The following PCNX1 variants were observed in gnomAD, a reference collection of about 807,000 sequenced individuals.
The protein encoded by PCNX1 is pecanex 1.
A neutral mutation model predicts 242.2 loss-of-function variants in PCNX1; 78 were observed. That is an observed-to-expected ratio of 0.32 (90% CI 0.27 to 0.39). The LOEUF is 0.39. PCNX1 is among the 10% of genes least tolerant of loss of function. PCNX1 has a pLI of 1.00. For missense variants in PCNX1, 2,581 were observed against 2,856.5 expected, an observed-to-expected ratio of 0.90 and a Z score of 2.20; for synonymous variants, 1,024 against 1,032.9, an observed-to-expected ratio of 0.99 and a Z score of 0.17.
chr14:71,057,022 C>G (rs1229248339), intron 25 of PCNX1, among the ~76,000 whole-genome samples: 3 of 152,142 alleles, frequency 2.0e-5, no homozygotes, highest in Non-Finnish European at 4.4e-5. Context: ...TACAGTTTAT[C>G]TCTGCTTAAC....
At chr14:71,012,963 T>C in intron 10 of PCNX1, 22 bp from the exon 11 acceptor site, 1 of 1,508,032 alleles carries the variant, frequency 6.6e-7, no homozygotes, top group South Asian at 1.1e-5. Context: ...TTTTAAGCCT[T>C]TCAATGCTGA....
rs764722320 is a variant in PCNX1 at position 70,977,229 on chromosome 14, C to T, written c.892C>T (p.Leu298=). The T allele has an allele frequency of 1.9e-6, 3 of 1,614,232 alleles. No individual in the cohort carries two copies. The highest frequency in any genetic ancestry group is 2.5e-6 in the Non-Finnish European group (3 of 1,180,036). ...SSAVAFPDTS[L]NDFPLYQQRR... ...TGCTGTGGCTTTTCCAGACACTTCA[C>T]TGAATGATTTTCCCCTTTATCAGCA... Residue 298 remains leucine (L), a synonymous_variant, in exon 6 of 36, where the codon CTG becomes TTG. Transcript: ENST00000304743.
chr14:70,962,511 T>G (rs1266014061), intron 3 of PCNX1, among the ~76,000 whole-genome samples, 180 bp downstream of exon 3: 1 of 152,240 alleles, frequency 6.6e-6, no homozygotes, highest in Non-Finnish European at 1.5e-5. Context: ...ATTGATTAAT[T>G]ACAGATTTGT....
At chr14:71,048,184 A>G (rs766395729) in intron 22 of PCNX1, among the ~76,000 whole-genome samples, 200 bp downstream of exon 22, 13 of 152,178 alleles carry the variant, frequency 8.5e-5, no homozygotes, top group Non-Finnish European at 1.5e-4. Context: ...TTCTTGCTAT[A>G]GCTAAGAAGA....
chr14:70,922,883 C>T (rs1177985727), intron 1 of PCNX1, among the ~76,000 whole-genome samples: 1 of 151,608 alleles, frequency 6.6e-6, no homozygotes, highest in Non-Finnish European at 1.5e-5. Flanking sequence ...ACGGTATGCA[C>T]ATTTAAAATC....
chr14:70,943,862 G>A (rs1405093737), intron 1 of PCNX1, among the ~76,000 whole-genome samples: 2 of 152,222 alleles, frequency 1.3e-5, no homozygotes, highest in Non-Finnish European at 2.9e-5. Flanking sequence ...AGGGGCCAAT[G>A]TGCAGCTCAG....
At chr14:70,976,594 T>C (rs59949441) in intron 5 of PCNX1, among the ~76,000 whole-genome samples, 4,296 of 152,120 alleles carry the variant, frequency 0.028, 175 homozygotes, top group African/African-American at 0.097. Flanking sequence ...AGGATGGTCT[T>C]GATCTCCTGA....
intron 1 of PCNX1, among the ~76,000 whole-genome samples, chr14:70,930,648 C>G (rs191485203): frequency 6.6e-6 from 1 of 152,258 alleles, no homozygotes; most frequent in Admixed American, 6.5e-5. Context: ...CAGGTAGGCT[C>G]AAGTTCCAAT....
At chr14:70,925,051 C>A (rs544678549) in intron 1 of PCNX1, among the ~76,000 whole-genome samples, 2 of 151,548 alleles carry the variant, frequency 1.3e-5, no homozygotes, top group East Asian at 3.9e-4. Context: ...TGCAGTGGTG[C>A]GATCTCAGCT....
At chr14:70,939,573 A>G (rs980317820) in intron 1 of PCNX1, among the ~76,000 whole-genome samples, 1 of 152,196 alleles carries the variant, frequency 6.6e-6, no homozygotes, top group African/African-American at 2.4e-5. Context: ...GTTTTGGAAT[A>G]AGTGCAGTGT....
intron 30 of PCNX1, among the ~76,000 whole-genome samples, chr14:71,098,608 G>T (rs2062374123): frequency 6.6e-6 from 1 of 150,556 alleles, no homozygotes; most frequent in Admixed American, 6.7e-5. Context: ...TTGGTTTTCG[G>T]CTTGAATATT....
At position 70,969,116 on chromosome 14, in the gene PCNX1, A is replaced by G; in HGVS notation, c.604+6A>G. The G allele has an allele frequency of 6.5e-7, 1 of 1,542,706 alleles. No homozygotes were observed. The highest frequency in any genetic ancestry group is 9.0e-7 in the Non-Finnish European group (1 of 1,114,906). On this transcript the variant is annotated splice_donor_region_variant and intron_variant, in intron 5 of 35. Coordinates refer to ENST00000304743, the MANE Select transcript of PCNX1 (RefSeq NM_014982.3). ...GGAAGGAAGTGAAGAACAAGGTAAGAACGTTATACTTTACCATGATGTCAT... is the reference window on the plus strand; with the variant it reads ...GGAAGGAAGTGAAGAACAAGGTAAGGACGTTATACTTTACCATGATGTCAT...
In PCNX1 at chr14:70,977,320, C is replaced by G. The variant is rs2058716229; in HGVS notation, c.983C>G (p.Ser328Cys). 1.2e-6 allele frequency: 2 copies of G among 1,614,038 alleles called. No homozygotes were observed. Among genetic ancestry groups the G allele is most frequent in the African/African-American group, 1.3e-5 (1 of 74,910 alleles). Residue 328 changes from serine to cysteine, a missense_variant, in exon 6 of 36, where the codon TCC (serine) becomes TGC (cysteine). Ser to Cys is a moderately radical substitution (Grantham distance 112). Transcript: ENST00000304743. The stretch of plus-strand genomic sequence containing the variant: ...AAGCCTCTTTCTGGATCCAAAGAAT[C>G]CTTGGTGGAAAATTCTGGTTTATCT... Reference protein sequence around the residue: ...SSKPLSGSKESLVENSGLSGE... With the variant: ...SSKPLSGSKECLVENSGLSGE...
At chr14:71,078,948 C>G (rs968877563) in intron 28 of PCNX1, among the ~76,000 whole-genome samples, 3 of 152,030 alleles carry the variant, frequency 2.0e-5, no homozygotes, top group African/African-American at 7.2e-5. Context: ...CTTGCTGTAC[C>G]CATCAACCTG....
At chr14:71,075,898 TAATAA>T (rs1377623327) in intron 27 of PCNX1, among the ~76,000 whole-genome samples, 2 of 151,950 alleles carry the variant, frequency 1.3e-5, no homozygotes, top group Non-Finnish European at 1.5e-5. Context: ...AATAAATAAA[TAATAA>T]AATAAAATAA....
intron 31 of PCNX1, among the ~76,000 whole-genome samples, chr14:71,103,186 G>A (rs561122385): frequency 6.6e-6 from 1 of 152,338 alleles, no homozygotes; most frequent in African/African-American, 2.4e-5. Flanking sequence ...TGAAGAAAGA[G>A]CTGTGTAGAT....
At chr14:71,042,014 T>C (rs1397174644) in intron 19 of PCNX1, among the ~76,000 whole-genome samples, 1 of 152,186 alleles carries the variant, frequency 6.6e-6, no homozygotes, top group Non-Finnish European at 1.5e-5. Context: ...TTATTTTTAG[T>C]TTTATTTCAT....
chr14:71,032,178 CTCTT>C (rs2060406827), intron 16 of PCNX1, among the ~76,000 whole-genome samples: 1 of 152,242 alleles, frequency 6.6e-6, no homozygotes, highest in Non-Finnish European at 1.5e-5. Context: ...CATGTAGCCT[CTCTT>C]GTCTCCCTCA....
intron 26 of PCNX1, among the ~76,000 whole-genome samples, chr14:71,063,639 A>G (rs905794555): frequency 2.6e-5 from 4 of 152,100 alleles, no homozygotes; most frequent in African/African-American, 9.7e-5. Context: ...ATATTAATCA[A>G]AAGTGTCATT....
Sources: gnomAD v4.1 joint callset for allele counts (sites outside exome capture counted in the v4.1 genomes callset) on GRCh38, gnomAD v4.1.1 for gene constraint, MANE v1.5 for transcripts, NCBI Gene and HGNC (gene_info 2026-07-23, HGNC 2026-07-21) for gene names.